Variants in PRRX1 observed in about 807,000 individuals in gnomAD.
The protein encoded by PRRX1 is paired mesoderm homeobox protein 1.
Under a neutral mutation model 24.0 loss-of-function variants are expected in PRRX1, and 8 were observed. The ratio of observed to expected loss-of-function variants is 0.33; its 90% CI spans 0.20 to 0.60. The LOEUF (loss-of-function observed/expected upper bound fraction) is 0.60, where lower values mean the gene tolerates loss of function less well. Among genes scored for constraint, PRRX1 ranks in the 20% least tolerant of loss-of-function variants. The pLI is 0.82. For missense variants in PRRX1, 281 were observed against 322.4 expected (o/e 0.87, Z 0.98); for synonymous variants, 160 against 131.7 (o/e 1.22, Z -1.47).
intron 3 of PRRX1, chr1:170,730,233 G>T: frequency 6.7e-7 from 1 of 1,496,010 alleles, no homozygotes; most frequent in Non-Finnish European, 9.3e-7. Flanking sequence ...GACATCTGCT[G>T]AACGCATTTG....
At chr1:170,689,462 G>C (rs1245193831) in intron 1 of PRRX1, among the ~76,000 whole-genome samples, 2 of 152,132 alleles carry the variant, frequency 1.3e-5, no homozygotes, top group Non-Finnish European at 2.9e-5. Context: ...TGGAATCTAT[G>C]TGGGAAGGTA....
Position 170,738,294 on chromosome 1 carries a change from A to G in PRRX1, c.*2108A>G. On this transcript the variant is annotated 3_prime_UTR_variant, in exon 4 of 4. Transcript: ENST00000239461. Reference sequence around the variant, plus strand: ...GGCATATCAGATTGAGCTAATGGTGATGTTATTTCAATCTAACAGCCACCA... The same window carrying G: ...GGCATATCAGATTGAGCTAATGGTGGTGTTATTTCAATCTAACAGCCACCA... The G allele has an allele frequency of 4.4e-6, 1 of 225,428 alleles. No individual in the cohort carries two copies. The allele number at this position is 225,428 out of a possible 1,614,324, so 14.0% of individuals were successfully genotyped here. A position where few individuals can be genotyped will look rare whatever the true frequency, so the allele number is the denominator to read the frequency against.
intron 1 of PRRX1, among the ~76,000 whole-genome samples, chr1:170,671,447 C>A (rs192081968): frequency 2.0e-5 from 3 of 152,342 alleles, no homozygotes; most frequent in Non-Finnish European, 4.4e-5. Context: ...TCTGCTGTAG[C>A]GACGCCAGGC....
chr1:170,700,965 T>C (rs1475169562), intron 1 of PRRX1, among the ~76,000 whole-genome samples: 3 of 152,224 alleles, frequency 2.0e-5, no homozygotes. Context: ...TTCTGAACTC[T>C]TGAAATTAGG....
intron 1 of PRRX1, among the ~76,000 whole-genome samples, chr1:170,707,869 G>A (rs936434428): frequency 2.0e-5 from 3 of 152,032 alleles, no homozygotes; most frequent in East Asian, 3.9e-4. Flanking sequence ...TTTAGAAATA[G>A]GGAAAACCTG....
intron 1 of PRRX1, among the ~76,000 whole-genome samples, chr1:170,684,964 G>C (rs1653681223): frequency 6.6e-6 from 1 of 152,166 alleles, no homozygotes; most frequent in South Asian, 2.1e-4. Context: ...AGACCATGCA[G>C]AGAAGTTTAG....
rs1376467098 is a variant in PRRX1 at position 170,664,362 on chromosome 1, G to A, written c.144G>A (p.Met48Ile). 6.2e-7 allele frequency: 1 copy of A among 1,613,976 alleles called. No homozygotes were observed. Among genetic ancestry groups the A allele is most frequent in the East Asian group, 2.2e-5 (1 of 44,866 alleles). ...TAGACCTGGAGGAAGCCGGGGACAT[G>A]GTGGCGGCACAGGCGGATGAGAACG... ...HLLDLEEAGD[M>I]VAAQADENVG... is the part of the protein sequence containing the mutation. Residue 48 changes from methionine to isoleucine, a missense_variant, in exon 1 of 4, where the codon ATG (methionine) becomes ATA (isoleucine). Coordinates refer to ENST00000239461, the MANE Select transcript of PRRX1 (RefSeq NM_022716.4).
intron 1 of PRRX1, among the ~76,000 whole-genome samples, chr1:170,678,365 C>T (rs771730540): frequency 6.6e-6 from 1 of 152,146 alleles, no homozygotes; most frequent in Non-Finnish European, 1.5e-5. Context: ...TAGCAGTTGT[C>T]GTACATGTGG....
chr1:170,719,720 T>C lies in PRRX1; in HGVS notation c.242-6T>C, dbSNP rs778556085. ...GGCTTCTTTTCATCATTGTGTTCTATTCCAGATGACCAGCTGAACTCAGAA... is the reference window on the plus strand; with the variant it reads ...GGCTTCTTTTCATCATTGTGTTCTACTCCAGATGACCAGCTGAACTCAGAA... On this transcript the variant is annotated splice_polypyrimidine_tract_variant and splice_region_variant and intron_variant, in intron 1 of 3. Transcript: ENST00000239461. 2.4e-5 allele frequency: 38 copies of C among 1,613,874 alleles called. No individual in the cohort carries two copies. In the African/African-American group the frequency reaches 4.5e-4, roughly 19 times the overall value.
At chr1:170,673,419 T>C (rs1402643414) in intron 1 of PRRX1, among the ~76,000 whole-genome samples, 3 of 152,172 alleles carry the variant, frequency 2.0e-5, no homozygotes, top group Non-Finnish European at 4.4e-5. Flanking sequence ...GAGAATGAGC[T>C]CTCCATCCTT....
intron 1 of PRRX1, among the ~76,000 whole-genome samples, chr1:170,712,921 C>T (rs1485331034): frequency 6.6e-6 from 1 of 151,976 alleles, no homozygotes; most frequent in Non-Finnish European, 1.5e-5. Context: ...TGGCATCCTG[C>T]AATGAATTGA....
intron 1 of PRRX1, among the ~76,000 whole-genome samples, chr1:170,682,495 C>T (rs1408953128): frequency 2.0e-5 from 3 of 152,118 alleles, no homozygotes; most frequent in Non-Finnish European, 4.4e-5. Context: ...AAACTCTGGG[C>T]ACCCCATGCC....
chr1:170,669,555 A>G (rs1653073560), intron 1 of PRRX1: 1 of 151,174 alleles, frequency 6.6e-6, no homozygotes, highest in African/African-American at 2.4e-5. Context: ...ATTTTCAACC[A>G]CGACAATCCC....
At chr1:170,725,459 G>A (rs1330101111) in intron 2 of PRRX1, among the ~76,000 whole-genome samples, 1 of 152,166 alleles carries the variant, frequency 6.6e-6, no homozygotes, top group African/African-American at 2.4e-5. Context: ...AACTTCAGGA[G>A]AGTGCCCTGC....
intron 1 of PRRX1, among the ~76,000 whole-genome samples, chr1:170,672,421 G>C (rs1465176006): frequency 6.6e-6 from 1 of 152,184 alleles, no homozygotes; most frequent in Non-Finnish European, 1.5e-5. Flanking sequence ...GGCCAGAACT[G>C]TAAGGCAAAT....
At chr1:170,707,049 C>T (rs1382907244) in intron 1 of PRRX1, among the ~76,000 whole-genome samples, 1 of 151,708 alleles carries the variant, frequency 6.6e-6, no homozygotes, top group Non-Finnish European at 1.5e-5. Context: ...CACTTGAGCC[C>T]AGTAAATGAG....
At chr1:170,721,242 A>C (rs1655075686) in intron 2 of PRRX1, among the ~76,000 whole-genome samples, 1 of 152,222 alleles carries the variant, frequency 6.6e-6, no homozygotes, top group African/African-American at 2.4e-5. Context: ...TGCCAGTAGC[A>C]AGATGCTGTT....
At chr1:170,733,959 T>A (rs1007475524) in intron 3 of PRRX1, among the ~76,000 whole-genome samples, 1 of 152,152 alleles carries the variant, frequency 6.6e-6, no homozygotes, top group East Asian at 1.9e-4. Context: ...ATCGTTCTGG[T>A]CATTTATCTC....
At chr1:170,711,566 T>C (rs1439495990) in intron 1 of PRRX1, among the ~76,000 whole-genome samples, 1 of 152,154 alleles carries the variant, frequency 6.6e-6, no homozygotes, top group East Asian at 1.9e-4. Context: ...GATTTTTCTT[T>C]AGAACATTAA....
Sources: allele counts gnomAD v4.1 joint callset (sites outside exome capture counted in the v4.1 genomes callset), GRCh38; gene constraint gnomAD v4.1.1; transcripts MANE v1.5; gene names NCBI Gene and HGNC (gene_info 2026-07-23, HGNC 2026-07-21).